JMJD1C: variants seen among roughly 807,000 people sequenced by gnomAD.
JMJD1C encodes jumonji domain-containing protein 1C.
Under a neutral mutation model 245.3 loss-of-function variants are expected in JMJD1C, and 31 were observed. The ratio of observed to expected loss-of-function variants is 0.13; its 90% CI spans 0.09 to 0.17. JMJD1C has a LOEUF of 0.17. JMJD1C is among the 10% of genes least tolerant of loss of function. JMJD1C has a pLI of 1.00. For missense variants in JMJD1C, 2,691 were observed against 3,000.2 expected (o/e 0.90, Z 2.41); for synonymous variants, 1,057 against 1,017.4 (o/e 1.04, Z -0.74).
At chr10:63,408,907 T>C (rs1226036067) in intron 1 of JMJD1C, among the ~76,000 whole-genome samples, 1 of 152,080 alleles carries the variant, frequency 6.6e-6, no homozygotes, top group Non-Finnish European at 1.5e-5. Context: ...GAAGATAAAA[T>C]TGACAGGATA....
chr10:63,181,949 G>A (rs1412410765), intron 22 of JMJD1C, among the ~76,000 whole-genome samples: 1 of 152,152 alleles, frequency 6.6e-6, no homozygotes, highest in Non-Finnish European at 1.5e-5. Context: ...TGGGGGATAG[G>A]GGTGGTTACC....
intron 1 of JMJD1C, among the ~76,000 whole-genome samples, chr10:63,513,739 C>T (rs1954937761): frequency 6.6e-6 from 1 of 152,046 alleles, no homozygotes; most frequent in Non-Finnish European, 1.5e-5. Flanking sequence ...AGGGAAACCC[C>T]GTCTCTACTA....
At chr10:63,222,275 G>A in intron 3 of JMJD1C, 8 of 909,100 alleles carry the variant, frequency 8.8e-6, no homozygotes, top group Non-Finnish European at 1.5e-5. Context: ...GAGAGCTGTC[G>A]AGATTGGTGT....
intron 10 of JMJD1C, 49 bp downstream of exon 10, chr10:63,206,546 A>G (rs900599834): frequency 1.4e-6 from 2 of 1,444,214 alleles, no homozygotes; most frequent in South Asian, 1.4e-5. Context: ...TAGTATAGCT[A>G]AAACATTCAG....
At chr10:63,467,563 T>C (rs1274731847), upstream of JMJD1C, among the ~76,000 whole-genome samples, 1 of 152,116 alleles carries the variant, frequency 6.6e-6, no homozygotes, top group African/African-American at 2.4e-5. Context: ...CAGCAAAACA[T>C]ACCCAAAAAT....
chr10:63,242,462 C>A (rs530923563), intron 3 of JMJD1C, among the ~76,000 whole-genome samples: 2 of 152,202 alleles, frequency 1.3e-5, no homozygotes, highest in African/African-American at 4.8e-5. Context: ...TGGCTCATAC[C>A]TGTAATCCCA....
chr10:63,340,324 T>C (rs946438231), intron 2 of JMJD1C, among the ~76,000 whole-genome samples: 1 of 152,184 alleles, frequency 6.6e-6, no homozygotes, highest in Non-Finnish European at 1.5e-5. Flanking sequence ...GCACATAAAG[T>C]TGGCCAAAAT....
At chr10:63,217,454 A>C (rs2133251116) in intron 4 of JMJD1C, 123 bp from the exon 5 acceptor site, 3 of 744,586 alleles carry the variant, frequency 4.0e-6, no homozygotes, top group African/African-American at 3.6e-5. Context: ...GTTTTCAAAA[A>C]AATGTTTTAG....
chr10:63,244,965 C>T (rs1851987580), intron 3 of JMJD1C, among the ~76,000 whole-genome samples: 1 of 151,630 alleles, frequency 6.6e-6, no homozygotes, highest in Non-Finnish European at 1.5e-5. Flanking sequence ...GGTGAAACCC[C>T]ACTTCTACTA....
intron 1 of JMJD1C, among the ~76,000 whole-genome samples, chr10:63,401,948 A>G (rs1413380981): frequency 1.3e-5 from 2 of 152,120 alleles, no homozygotes; most frequent in Non-Finnish European, 2.9e-5. Context: ...CAGCCTGACC[A>G]ACATGGAGAA....
At chr10:63,442,238 G>GA (rs1454002611) in intron 1 of JMJD1C, among the ~76,000 whole-genome samples, 4 of 152,092 alleles carry the variant, frequency 2.6e-5, no homozygotes, top group South Asian at 2.1e-4. Flanking sequence ...CTGCCAGGGA[G>GA]AAAAAACGCC....
chr10:63,456,396 G>A (rs1156392556), intron 1 of JMJD1C, among the ~76,000 whole-genome samples: 4 of 152,056 alleles, frequency 2.6e-5, no homozygotes, highest in African/African-American at 9.7e-5. Context: ...ATTGCATCAA[G>A]ATTCCATCTA....
At chr10:63,169,049 T>G (rs1056487531) in intron 24 of JMJD1C, among the ~76,000 whole-genome samples, 1 of 152,194 alleles carries the variant, frequency 6.6e-6, no homozygotes, top group Non-Finnish European at 1.5e-5. Flanking sequence ...ATGGAAAATG[T>G]AGTCCCAGAC....
At chr10:63,484,236 G>GGATGGATGGATGGATGGATAGATAGATA (rs1416097314) in intron 1 of JMJD1C, among the ~76,000 whole-genome samples, 4 of 92,630 alleles carry the variant, frequency 4.3e-5, no homozygotes, top group African/African-American at 9.4e-5. Context: ...ATGGATGGAT[G>GGATGGATGGATGGATGGATAGATAGATA]GATAGATAGA....
intron 1 of JMJD1C, among the ~76,000 whole-genome samples, chr10:63,492,383 T>C (rs1954205898): frequency 6.6e-6 from 1 of 152,156 alleles, no homozygotes; most frequent in Non-Finnish European, 1.5e-5. Context: ...TATAAAGAAA[T>C]GGCCAGGCAC....
rs143211578 is a variant in JMJD1C at position 63,487,255 on chromosome 10, T to C, written n.113+34483A>G. On this transcript the variant is annotated intron_variant and non_coding_transcript_variant, in intron 1 of 3. Coordinates refer to the JMJD1C transcript ENST00000633035. ...CCCAGTTGAAATTACAAAATATGGA[T>C]TTATAGTGACAATGACCTGTGTCAT... is the stretch of plus-strand genomic sequence containing the variant. Among the ~76,000 whole-genome samples the C allele has an allele frequency of 6.7e-3, 1,022 of 152,156 alleles. 4 individuals are homozygous for C. Among genetic ancestry groups the C allele is most frequent in the Middle Eastern group, 0.017 (5 of 294 alleles).
Position 63,465,942 on chromosome 10 carries a change from C to A in JMJD1C, c.-280G>T, listed in dbSNP as rs906977865. On this transcript the variant is annotated 5_prime_UTR_variant, in exon 1 of 26. Coordinates refer to ENST00000399262, the MANE Select transcript of JMJD1C (RefSeq NM_032776.3). The stretch of plus-strand genomic sequence containing the variant: ...AACGCGGCCGTCGAAGACCCCGAGG[C>A]AGCCCAGCCGCCGCCACCGCGCCGC... The A allele has an allele frequency of 6.3e-5, 35 of 553,392 alleles. No individual in the cohort carries two copies. The Admixed American group carries it at 8.9e-4, about 14-fold the overall frequency. The allele number at this position is 553,392 out of a possible 1,614,324, so 34.3% of individuals were successfully genotyped here.
chr10:63,232,983 C>T (rs994415477), intron 3 of JMJD1C, among the ~76,000 whole-genome samples: 12 of 152,116 alleles, frequency 7.9e-5, no homozygotes, highest in Non-Finnish European at 1.8e-4. Context: ...AATGTTACTG[C>T]AAACTTCATT....
At chr10:63,306,628 G>A (rs1200607741) in intron 2 of JMJD1C, among the ~76,000 whole-genome samples, 3 of 152,034 alleles carry the variant, frequency 2.0e-5, no homozygotes, top group Non-Finnish European at 4.4e-5. Context: ...TATCTTAAGA[G>A]TCTAAATATT....
Sources: gnomAD v4.1 joint callset for allele counts (sites outside exome capture counted in the v4.1 genomes callset) on GRCh38, gnomAD v4.1.1 for gene constraint, MANE v1.5 for transcripts, NCBI Gene and HGNC (gene_info 2026-07-23, HGNC 2026-07-21) for gene names.